UPRT: variants seen among roughly 807,000 people sequenced by gnomAD.
UPRT encodes RP11-311P8.3.
A neutral mutation model predicts 22.6 loss-of-function variants in UPRT; 5 were observed. The observed-to-expected ratio is 0.22, with a 90% CI of 0.12 to 0.47. The LOEUF (loss-of-function observed/expected upper bound fraction) is 0.47. Ranked by LOEUF, UPRT falls within the 20% of genes least tolerant of loss-of-function variation. The probability of loss-of-function intolerance (pLI) is 0.99; values close to 1 mark genes in which losing one functional copy is unlikely to be tolerated. For missense variants in UPRT, 181 were observed against 239.9 expected (o/e 0.75, Z 1.62); for synonymous variants, 77 against 87.7 (o/e 0.88, Z 0.68).
Position 75,303,660 on chromosome X carries a change from A to C in UPRT, c.*149A>C. 7.2e-6 allele frequency: 3 copies of C among 417,197 alleles called. No homozygotes were observed. The highest frequency in any genetic ancestry group is 1.2e-5 in the Non-Finnish European group (3 of 247,959). 34.4% of individuals were successfully genotyped at this position (417,197 alleles called of 1,213,427 possible). A position where few individuals can be genotyped will look rare whatever the true frequency, so the allele number is the denominator to read the frequency against. ...GTGGGTATATTTGAGGTTATATCTC[A>C]TTTAGTTATTTGTTTACTGTTGGCA... On this transcript the variant is annotated 3_prime_UTR_variant, in exon 7 of 7. Coordinates refer to ENST00000373383, the MANE Select transcript of UPRT (RefSeq NM_145052.4).
At chrX:75,260,843 A>G (rs757540796) in intron 4 of UPRT, among the ~76,000 whole-genome samples, 119 of 111,998 alleles carry the variant, frequency 1.1e-3, no homozygotes, top group African/African-American at 3.8e-3. Context: ...AATTGACCAC[A>G]TAATTGTAAG....
intron 1 of UPRT, among the ~76,000 whole-genome samples, chrX:75,289,834 C>T: frequency 8.9e-6 from 1 of 111,838 alleles, no homozygotes; most frequent in African/African-American, 3.2e-5. Flanking sequence ...ACATGTAAGA[C>T]CTCAAACTAC....
chrX:75,248,958 T>C (rs1369005271), intron 4 of UPRT, among the ~76,000 whole-genome samples: 1 of 111,371 alleles, frequency 9.0e-6, no homozygotes, highest in South Asian at 3.7e-4. Context: ...CCAGCCAAAC[T>C]AAGCTTCATA....
chrX:75,192,763 C>G (rs756124957), intron 4 of UPRT, among the ~76,000 whole-genome samples: 42 of 111,859 alleles, frequency 3.8e-4, no homozygotes, highest in Middle Eastern at 4.6e-3. Context: ...TCTGTTTTCT[C>G]TGAAATTAAA....
At chrX:75,209,752 G>T (rs1230203227) in intron 4 of UPRT, among the ~76,000 whole-genome samples, 1 of 112,310 alleles carries the variant, frequency 8.9e-6, no homozygotes, top group East Asian at 2.8e-4. Flanking sequence ...CAGTGATCCT[G>T]TTGGCCACAC....
chrX:75,225,781 A>G (rs1387025568), intron 4 of UPRT, among the ~76,000 whole-genome samples: 1 of 111,196 alleles, frequency 9.0e-6, no homozygotes, highest in Non-Finnish European at 1.9e-5. Context: ...AACCTCTTCT[A>G]TTTTTCTGTA....
intron 4 of UPRT, among the ~76,000 whole-genome samples, chrX:75,173,948 G>A (rs1008177492): frequency 6.3e-5 from 7 of 110,997 alleles, no homozygotes; most frequent in East Asian, 2.9e-4. Context: ...CACAAGCGCC[G>A]CATGCAGCCC....
intron 4 of UPRT, among the ~76,000 whole-genome samples, chrX:75,257,546 G>A (rs1329570745): frequency 9.0e-6 from 1 of 111,517 alleles, no homozygotes; most frequent in African/African-American, 3.3e-5. Flanking sequence ...AAGAAATAAA[G>A]GGCATCCAAA....
intron 1 of UPRT, among the ~76,000 whole-genome samples, chrX:75,289,814 T>G (rs1306535525): frequency 8.9e-6 from 1 of 111,780 alleles, no homozygotes; most frequent in African/African-American, 3.3e-5. Context: ...TTAAGATGGA[T>G]TAAATATTTA....
At chrX:75,171,247 C>A (rs2082226504) in intron 4 of UPRT, among the ~76,000 whole-genome samples, 1 of 111,443 alleles carries the variant, frequency 9.0e-6, no homozygotes, top group Non-Finnish European at 1.9e-5. Flanking sequence ...TCCCAACCTT[C>A]TTGGAGGCTT....
chrX:75,298,525 G>A (rs1043492430), intron 4 of UPRT, among the ~76,000 whole-genome samples: 3 of 111,464 alleles, frequency 2.7e-5, no homozygotes, highest in South Asian at 3.8e-4. Context: ...ATTGTTTCAC[G>A]TAAGATTTAT....
At chrX:75,254,091 T>C (rs916855045) in intron 4 of UPRT, among the ~76,000 whole-genome samples, 1 of 111,603 alleles carries the variant, frequency 9.0e-6, no homozygotes, top group Non-Finnish European at 1.9e-5. Context: ...GCTGTGAATC[T>C]GGTGTGTGGA....
chrX:75,232,932 C>T (rs1431399814), intron 4 of UPRT, among the ~76,000 whole-genome samples: 13 of 112,225 alleles, frequency 1.2e-4, no homozygotes, highest in South Asian at 3.7e-4. Flanking sequence ...CAAAGCTGGA[C>T]GGAGAATGAT....
chrX:75,183,572 G>A (rs919206285), intron 4 of UPRT, among the ~76,000 whole-genome samples: 2 of 111,764 alleles, frequency 1.8e-5, no homozygotes, highest in African/African-American at 6.5e-5. Context: ...GGTATTTCTA[G>A]TTCTAGATCC....
At chrX:75,192,964 A>G (rs139495956) in intron 4 of UPRT, among the ~76,000 whole-genome samples, 3,199 of 111,695 alleles carry the variant, frequency 0.029, 116 homozygotes, top group African/African-American at 0.1. Flanking sequence ...TTTACATTCA[A>G]GGTTAGTACT....
At chrX:75,294,115 T>G (rs1157044037) in intron 2 of UPRT, among the ~76,000 whole-genome samples, 1 of 110,782 alleles carries the variant, frequency 9.0e-6, no homozygotes, top group Non-Finnish European at 1.9e-5. Context: ...TGTTTTCTTC[T>G]TGTGTTAATA....
chrX:75,159,770 A>ATTTTTTTTTTTTTTTTT (rs35651743), intron 1 of UPRT, among the ~76,000 whole-genome samples: 1 of 46,320 alleles, frequency 2.2e-5, no homozygotes, highest in Non-Finnish European at 4.7e-5. Context: ...CTTGCCTTAA[A>ATTTTTTTTTTTTTTTTT]TTTTTTTTTT....
intron 4 of UPRT, among the ~76,000 whole-genome samples, chrX:75,186,815 G>A (rs1249650967): frequency 9.0e-6 from 1 of 111,505 alleles, no homozygotes; most frequent in Non-Finnish European, 1.9e-5. Flanking sequence ...TTGGTTTAAA[G>A]TCTGTTTTAT....
chrX:75,213,959 TCAC>T (rs2082386170), intron 4 of UPRT, among the ~76,000 whole-genome samples: 1 of 111,947 alleles, frequency 8.9e-6, no homozygotes, highest in Admixed American at 9.5e-5. Context: ...GAAATCAATA[TCAC>T]CATTAATCAA....
Sources: gnomAD v4.1 joint callset for allele counts (sites outside exome capture counted in the v4.1 genomes callset) on GRCh38, gnomAD v4.1.1 for gene constraint, MANE v1.5 for transcripts, NCBI Gene and HGNC (gene_info 2026-07-23, HGNC 2026-07-21) for gene names.